The following OR4K1 variants were observed in gnomAD, a reference collection of about 807,000 sequenced individuals.
The protein encoded by OR4K1 is olfactory receptor family 4 subfamily K member 1.
Under a neutral mutation model 14.4 loss-of-function variants are expected in OR4K1, and 16 were observed. That is an observed-to-expected ratio of 1.11 (90% CI 0.75 to 1.68). The LOEUF (loss-of-function observed/expected upper bound fraction) is 1.68. Among genes scored for constraint, OR4K1 ranks in the 40% most tolerant of loss-of-function variants. The pLI is 0.00. For synonymous variants in OR4K1, 181 were observed against 133.1 expected (o/e 1.36, Z -2.48); for missense variants, 548 against 376.9 (o/e 1.45, Z -3.76).
At chr14:19,925,829 G>T in the OR4K1 span, among the ~76,000 whole-genome samples, 116,214 of 151,750 alleles carry the variant, frequency 0.77, 40,951 homozygotes, top group East Asian at 0.81. Flanking sequence ...TGACTAAATA[G>T]AGACAACTGG....
the OR4K1 span, chr14:19,921,210 A>C: frequency 6.2e-7 from 1 of 1,614,034 alleles, no homozygotes; most frequent in African/African-American, 1.3e-5. Context: ...AATTGTGGTC[A>C]ATAGTGGAAT....
In OR4K1 at chr14:19,936,407, C is replaced by A; in HGVS notation, c.741C>A (p.Val247=). ...CATTAACTGCCCACATCACAGTGGT[C>A]ATTCTTTTCTTCGGGCCTTGCATTT... is the stretch of plus-strand genomic sequence containing the variant. ...LSTLTAHITV[V]ILFFGPCIYF... The change falls in exon 2 of 2, where the codon GTC becomes GTA. Residue 247 remains valine, a synonymous_variant. Coordinates refer to ENST00000641172, the MANE Select transcript of OR4K1 (RefSeq NM_001004063.3). 1 of 1,614,148 alleles carries A rather than the reference C, an allele frequency of 6.2e-7. No individual in the cohort carries two copies. Among genetic ancestry groups the A allele is most frequent in the South Asian group, 1.1e-5 (1 of 91,066 alleles).
chr14:19,922,110 T>G, the OR4K1 span, among the ~76,000 whole-genome samples: 1 of 152,090 alleles, frequency 6.6e-6, no homozygotes, highest in South Asian at 2.1e-4. Flanking sequence ...CATACGGTTT[T>G]CAAATAGCTA....
upstream of OR4K1, among the ~76,000 whole-genome samples, chr14:19,925,996 T>C (rs1014470007): frequency 4.6e-5 from 7 of 152,244 alleles, no homozygotes; most frequent in Non-Finnish European, 1.0e-4. Flanking sequence ...AGGTGGGGTG[T>C]GGGTGGAATG....
the OR4K1 span, chr14:19,920,572 AG>A: frequency 2.6e-6 from 4 of 1,563,204 alleles, no homozygotes; most frequent in East Asian, 4.5e-5. Flanking sequence ...ATCCTCCTTT[AG>A]AGTTGTTTCA....
chr14:19,923,503 T>A, the OR4K1 span, among the ~76,000 whole-genome samples: 1 of 152,358 alleles, frequency 6.6e-6, no homozygotes, highest in South Asian at 2.1e-4. Context: ...CAAAGATATT[T>A]ATTATATTCA....
chr14:19,921,465 T>C, the OR4K1 span: 1 of 1,614,126 alleles, frequency 6.2e-7, no homozygotes, highest in South Asian at 1.1e-5. Flanking sequence ...CCCCATTATT[T>C]ATACACTAAG....
the OR4K1 span, among the ~76,000 whole-genome samples, chr14:19,924,578 T>C: frequency 7.9e-5 from 12 of 152,206 alleles, no homozygotes; most frequent in South Asian, 4.1e-4. Context: ...GAAATAGGAA[T>C]GCTTTTACAC....
At chr14:19,934,234 G>T (rs189127336) in intron 1 of OR4K1, among the ~76,000 whole-genome samples, 3 of 152,210 alleles carry the variant, frequency 2.0e-5, no homozygotes, top group Non-Finnish European at 4.4e-5. Flanking sequence ...CTTCAGGAAG[G>T]GTGTGTAGGG....
the OR4K1 span, chr14:19,921,277 C>G: frequency 6.2e-7 from 1 of 1,614,158 alleles, no homozygotes; most frequent in Non-Finnish European, 8.5e-7. Flanking sequence ...ATTCTTGTTA[C>G]AGTTTGGCTC....
chr14:19,932,263 T>C (rs1950677651), intron 1 of OR4K1, among the ~76,000 whole-genome samples: 1 of 152,238 alleles, frequency 6.6e-6, no homozygotes, highest in Non-Finnish European at 1.5e-5. Context: ...ACTAACATTA[T>C]TTAACAATTT....
At chr14:19,923,827 G>A in the OR4K1 span, among the ~76,000 whole-genome samples, 1 of 152,188 alleles carries the variant, frequency 6.6e-6, no homozygotes, top group Non-Finnish European at 1.5e-5. Context: ...TTTTTTTAGA[G>A]TTACTTTTTA....
At position 19,935,735 on chromosome 14, in the gene OR4K1, T is replaced by C. The variant is rs762078591; in HGVS notation, c.69T>C (p.Leu23=). ...TGGGACTCTCTAATTCCTGGGGACT[T>C]CAACTTTTCTTTTTTGCCATCTTCT... The part of the protein sequence containing the change: ...VLLGLSNSWG[L]QLFFFAIFSI... The change falls in exon 2 of 2, where the codon CTT becomes CTC. Residue 23 remains leucine (L), a synonymous_variant. Coordinates refer to ENST00000641172, the MANE Select transcript of OR4K1 (RefSeq NM_001004063.3). 5 of 1,613,838 alleles carry C rather than the reference T, an allele frequency of 3.1e-6. No homozygotes were observed. Among genetic ancestry groups the C allele is most frequent in the Non-Finnish European group, 3.4e-6 (4 of 1,179,842 alleles).
upstream of OR4K1, among the ~76,000 whole-genome samples, chr14:19,926,523 A>T (rs942392065): frequency 6.6e-6 from 1 of 152,272 alleles, no homozygotes; most frequent in Non-Finnish European, 1.5e-5. Context: ...CCAATACGCT[A>T]GGGCAGGCTA....
In OR4K1 at chr14:19,935,782, T is replaced by C. The variant is rs768483431; in HGVS notation, c.116T>C (p.Val39Ala). ...TTCTCTATAGTCTATGTGACATCAG[T>C]GCTAGGCAATGTCTTAATTATTGTC... Reference protein sequence around the residue: ...AIFSIVYVTSVLGNVLIIVII... With the variant: ...AIFSIVYVTSALGNVLIIVII... The change falls in exon 2 of 2, where the codon GTG (valine) becomes GCG (alanine). Residue 39 changes from valine (V) to alanine (A), a missense_variant. Coordinates refer to ENST00000641172, the MANE Select transcript of OR4K1 (RefSeq NM_001004063.3). 12 of 1,614,052 alleles carry C rather than the reference T, an allele frequency of 7.4e-6. No homozygotes were observed. The highest frequency in any genetic ancestry group is 5.9e-6 in the Non-Finnish European group (7 of 1,179,986).
chr14:19,936,187 T>C lies in OR4K1; in HGVS notation c.521T>C (p.Val174Ala). The C allele has an allele frequency of 1.2e-6, 2 of 1,614,260 alleles. No homozygotes were observed. The highest frequency in any genetic ancestry group is 2.2e-5 in the South Asian group (2 of 91,090). ...CTGCCATTCTGTGGTCCCAATGAGG[T>C]GGATAGCTTCTTTTGTGACCTTCCC... The part of the protein sequence containing the change: ...VDLPFCGPNE[V>A]DSFFCDLPLV... The change falls in exon 2 of 2, where the codon GTG (valine) becomes GCG (alanine). Residue 174 changes from valine (V) to alanine (A), a missense_variant. Transcript: ENST00000641172.
intron 1 of OR4K1, chr14:19,931,383 T>A (rs1299016294): frequency 6.6e-6 from 1 of 152,360 alleles, no homozygotes; most frequent in Non-Finnish European, 1.5e-5. Context: ...CAGAATCTGA[T>A]AAACAGAGGA....
At chr14:19,934,780 C>G (rs1319676194) in intron 1 of OR4K1, among the ~76,000 whole-genome samples, 1 of 152,122 alleles carries the variant, frequency 6.6e-6, no homozygotes, top group African/African-American at 2.4e-5. Flanking sequence ...AAGCAATTCT[C>G]CTGCCTCAGC....
intron 1 of OR4K1, among the ~76,000 whole-genome samples, chr14:19,934,234 G>A (rs189127336): frequency 9.1e-4 from 138 of 152,312 alleles, no homozygotes; most frequent in African/African-American, 3.3e-3. Flanking sequence ...CTTCAGGAAG[G>A]GTGTGTAGGG....
Sources: gnomAD v4.1 joint callset for allele counts (sites outside exome capture counted in the v4.1 genomes callset) on GRCh38, gnomAD v4.1.1 for gene constraint, MANE v1.5 for transcripts, NCBI Gene and HGNC (gene_info 2026-07-23, HGNC 2026-07-21) for gene names.